TMEM132D: variants seen among roughly 807,000 people sequenced by gnomAD.
The protein encoded by TMEM132D is transmembrane protein 132D, also known as mature OL transmembrane protein.
TMEM132D carries 21 observed loss-of-function variants against 62.3 expected under a neutral mutation model. The ratio of observed to expected loss-of-function variants is 0.34; its 90% CI spans 0.24 to 0.49. The LOEUF (loss-of-function observed/expected upper bound fraction) is 0.49, where lower values mean the gene tolerates loss of function less well. Among genes scored for constraint, TMEM132D ranks in the 20% least tolerant of loss-of-function variants. The pLI is 0.99. For synonymous variants in TMEM132D, 621 were observed against 575.6 expected (o/e 1.08, Z -1.13); for missense variants, 1,346 against 1,402.8 (o/e 0.96, Z 0.65).
intron 3 of TMEM132D, among the ~76,000 whole-genome samples, chr12:129,504,130 A>G (rs1345273522): frequency 6.6e-6 from 1 of 152,078 alleles, no homozygotes; most frequent in Non-Finnish European, 1.5e-5. Flanking sequence ...TGCCAACACC[A>G]TCACCACCCT....
intron 3 of TMEM132D, among the ~76,000 whole-genome samples, chr12:129,491,388 G>C (rs953462451): frequency 1.1e-4 from 16 of 152,196 alleles, no homozygotes; most frequent in Non-Finnish European, 1.9e-4. Context: ...GTGGCCCAGA[G>C]CTAAACTCCA....
At chr12:129,271,269 T>C (rs1405593875) in intron 4 of TMEM132D, among the ~76,000 whole-genome samples, 1 of 152,012 alleles carries the variant, frequency 6.6e-6, no homozygotes, top group African/African-American at 2.4e-5. Flanking sequence ...TCAAGATCAT[T>C]AGTCTCAGCT....
At chr12:129,178,065 TC>T (rs958035774) in intron 5 of TMEM132D, among the ~76,000 whole-genome samples, 8 of 152,356 alleles carry the variant, frequency 5.3e-5, no homozygotes, top group South Asian at 2.1e-4. Context: ...GATAATGGCT[TC>T]CAGCTTCATC....
intron 3 of TMEM132D, among the ~76,000 whole-genome samples, chr12:129,497,038 T>TG (rs1400659900): frequency 9.9e-5 from 15 of 152,158 alleles, no homozygotes; most frequent in Non-Finnish European, 4.4e-5. Context: ...CCGGGCGCAG[T>TG]GGCTCACGCC....
rs1313246275 is a variant in TMEM132D, at chr12:129,299,775, G to T, written c.1299+37859C>A. 2.6e-5 allele frequency among the ~76,000 whole-genome samples: 4 copies of T among 152,060 alleles called. No homozygotes were observed. The South Asian group carries it at 8.3e-4, about 32-fold the overall frequency. On this transcript the variant is annotated intron_variant, in intron 4 of 8. Coordinates refer to ENST00000422113, the MANE Select transcript of TMEM132D (RefSeq NM_133448.3). ...CACCATTTCAGACGTCCTTCAGGGC[G>T]TTCTCATGGTGGTGCTAAAAAAGAG...
chr12:129,525,675 A>G (rs922240610), intron 3 of TMEM132D, among the ~76,000 whole-genome samples: 1 of 152,228 alleles, frequency 6.6e-6, no homozygotes, highest in Non-Finnish European at 1.5e-5. Context: ...TGTTATGCCA[A>G]TATTACAGAA....
rs377557356 is a variant in TMEM132D, at chr12:129,500,536, TA to T, written c.1115+30522del. Among the ~76,000 whole-genome samples, 240 of 152,200 alleles carry T rather than the reference TA, an allele frequency of 1.6e-3. 1 individual carries two copies. The highest frequency in any genetic ancestry group is 5.3e-3 in the African/African-American group (220 of 41,584). On this transcript the variant is annotated intron_variant, in intron 3 of 8. Coordinates refer to ENST00000422113, the MANE Select transcript of TMEM132D (RefSeq NM_133448.3). ...TACCCTTGGCTGCTACCACAGCAGG[TA>T]AAACCTGCCCAAAGGGACCTGGATG...
intron 3 of TMEM132D, among the ~76,000 whole-genome samples, chr12:129,500,579 G>C (rs1875109337): frequency 2.0e-5 from 3 of 152,208 alleles, no homozygotes; most frequent in African/African-American, 7.2e-5. Flanking sequence ...ACCTTAGACA[G>C]AATGTGATAT....
At position 129,118,577 on chromosome 12, in the gene TMEM132D, C is replaced by T. The variant is rs546750368; in HGVS notation, c.1444-33875G>A. Among the ~76,000 whole-genome samples, 5 of 152,304 alleles carry T rather than the reference C, an allele frequency of 3.3e-5. No homozygotes were observed. The South Asian group carries it at 6.2e-4, about 19-fold the overall frequency. ...CAATGCCTACATTTAGTGATCAACC[C>T]GTGGGACTTTTAGAGGGCACTGAAT... is the stretch of plus-strand genomic sequence containing the variant. On this transcript the variant is annotated intron_variant, in intron 5 of 8. Transcript: ENST00000422113.
At chr12:129,337,559 T>C in intron 4 of TMEM132D, 75 bp downstream of exon 4, 1 of 1,568,358 alleles carries the variant, frequency 6.4e-7, no homozygotes, top group Non-Finnish European at 8.7e-7. Flanking sequence ...CCACCCAGCC[T>C]GGGACTCAGT....
intron 3 of TMEM132D, among the ~76,000 whole-genome samples, chr12:129,358,242 C>T (rs527578188): frequency 1.3e-5 from 2 of 152,166 alleles, no homozygotes; most frequent in East Asian, 1.9e-4. Context: ...TTTCATTGCT[C>T]GGTTTTCCTT....
intron 3 of TMEM132D, among the ~76,000 whole-genome samples, chr12:129,463,636 C>A (rs1873765942): frequency 6.6e-6 from 1 of 151,880 alleles, no homozygotes; most frequent in Non-Finnish European, 1.5e-5. Context: ...CCCCCCACCC[C>A]ACAACAGGCC....
At chr12:129,171,267 G>A (rs886430260) in intron 5 of TMEM132D, among the ~76,000 whole-genome samples, 1 of 152,190 alleles carries the variant, frequency 6.6e-6, no homozygotes, top group Non-Finnish European at 1.5e-5. Context: ...GGTTTGTCAT[G>A]AGATTGTGGC....
intron 2 of TMEM132D, among the ~76,000 whole-genome samples, chr12:129,576,257 T>C (rs946908086): frequency 6.6e-6 from 1 of 151,890 alleles, no homozygotes; most frequent in African/African-American, 2.4e-5. Flanking sequence ...ACTGTAGCAA[T>C]TTCTTCTTAA....
At chr12:129,204,851 G>C (rs1878800121) in intron 5 of TMEM132D, among the ~76,000 whole-genome samples, 1 of 152,172 alleles carries the variant, frequency 6.6e-6, no homozygotes, top group Non-Finnish European at 1.5e-5. Flanking sequence ...CTACATGCCA[G>C]AAGAGATTGA....
chr12:129,501,675 T>C (rs1279731649), intron 3 of TMEM132D, among the ~76,000 whole-genome samples: 1 of 151,968 alleles, frequency 6.6e-6, no homozygotes, highest in African/African-American at 2.4e-5. Flanking sequence ...TGGCCAACTT[T>C]TGTAATTTTT....
intron 1 of TMEM132D, among the ~76,000 whole-genome samples, chr12:129,899,796 C>A (rs1244257135): frequency 6.6e-6 from 1 of 152,082 alleles, no homozygotes; most frequent in Non-Finnish European, 1.5e-5. Flanking sequence ...TCATACAAAA[C>A]AAAACTTAGT....
intron 1 of TMEM132D, among the ~76,000 whole-genome samples, chr12:129,835,580 C>T (rs117413560): frequency 1.3e-5 from 2 of 152,084 alleles, no homozygotes; most frequent in Non-Finnish European, 2.9e-5. Flanking sequence ...CGTGAGCTAC[C>T]ACACCGAGCC....
intron 4 of TMEM132D, among the ~76,000 whole-genome samples, chr12:129,259,423 A>G (rs1011637662): frequency 6.6e-6 from 1 of 152,158 alleles, no homozygotes; most frequent in African/African-American, 2.4e-5. Flanking sequence ...AGTATAAATA[A>G]GCTTGGTATG....
Sources: allele counts gnomAD v4.1 joint callset (sites outside exome capture counted in the v4.1 genomes callset), GRCh38; gene constraint gnomAD v4.1.1; transcripts MANE v1.5; gene names NCBI Gene and HGNC (gene_info 2026-07-23, HGNC 2026-07-21).